Variants in ANKRD36C observed in about 807,000 individuals in gnomAD.
ANKRD36C encodes ankyrin repeat domain-containing protein 36C.
Under a neutral mutation model 276.4 loss-of-function variants are expected in ANKRD36C, and 61 were observed. The observed-to-expected ratio is 0.22, with a 90% CI of 0.18 to 0.27. The LOEUF (loss-of-function observed/expected upper bound fraction) is 0.27, where lower values mean the gene tolerates loss of function less well. Among genes scored for constraint, ANKRD36C ranks in the 10% least tolerant of loss-of-function variants. The pLI is 1.00. For synonymous variants in ANKRD36C, 483 were observed against 680.1 expected, an observed-to-expected ratio of 0.71 and a Z score of 4.51; for missense variants, 1,447 against 2,032.3, an observed-to-expected ratio of 0.71 and a Z score of 5.54.
intron 63 of ANKRD36C, among the ~76,000 whole-genome samples, chr2:95,854,740 G>C (rs1339123385): frequency 6.6e-6 from 1 of 152,118 alleles, no homozygotes; most frequent in African/African-American, 2.4e-5. Context: ...GATTGAAATA[G>C]TTTCAGATTT....
chr2:95,987,605 CTTTTTTTTTTTT>C (rs35536038), intron 1 of ANKRD36C, among the ~76,000 whole-genome samples: 2 of 87,484 alleles, frequency 2.3e-5, no homozygotes, highest in Non-Finnish European at 4.2e-5. Flanking sequence ...CTTACAAAGA[CTTTTTTTTTTTT>C]TTTTTTTTTT....
At chr2:95,865,148 T>G (rs913408839) in intron 60 of ANKRD36C, among the ~76,000 whole-genome samples, 12 of 151,944 alleles carry the variant, frequency 7.9e-5, no homozygotes, top group Non-Finnish European at 1.5e-4. Flanking sequence ...ATAAATCTGA[T>G]AAAATATGAA....
At chr2:95,984,217 T>C (rs1678980719) in intron 3 of ANKRD36C, among the ~76,000 whole-genome samples, 2 of 151,636 alleles carry the variant, frequency 1.3e-5, no homozygotes, top group South Asian at 4.2e-4. Flanking sequence ...ACAGGGCTTG[T>C]AAAGTCATCC....
chr2:95,957,398 T>C (rs544916728), intron 12 of ANKRD36C, among the ~76,000 whole-genome samples: 41 of 3,094 alleles, frequency 0.013, no homozygotes, highest in Middle Eastern at 0.05. Context: ...GAATGTACAA[T>C]TCAAAGCTCC....
At chr2:95,928,850 C>T (rs896035190) in intron 26 of ANKRD36C, among the ~76,000 whole-genome samples, 1 of 151,540 alleles carries the variant, frequency 6.6e-6, no homozygotes, top group Non-Finnish European at 1.5e-5. Flanking sequence ...AATGGTTCTT[C>T]TTCCCAATTT....
chr2:95,854,732 T>C (rs2104243634), intron 63 of ANKRD36C, among the ~76,000 whole-genome samples: 1 of 152,318 alleles, frequency 6.6e-6, no homozygotes, highest in African/African-American at 2.4e-5. Context: ...TAATTTGAGA[T>C]TGAAATAGTT....
At chr2:95,940,075 T>C (rs62154566) in intron 20 of ANKRD36C, among the ~76,000 whole-genome samples, 1 of 152,398 alleles carries the variant, frequency 6.6e-6, no homozygotes, top group South Asian at 2.1e-4. Context: ...CTGGAGTGCA[T>C]TGGCACAATC....
At chr2:95,939,267 A>G (rs955990866) in intron 20 of ANKRD36C, among the ~76,000 whole-genome samples, 87 of 147,650 alleles carry the variant, frequency 5.9e-4, no homozygotes, top group Admixed American at 1.7e-3. Context: ...GTTTCACATG[A>G]CTACAAGTAA....
At chr2:95,867,473 A>C in exon 60 of ANKRD36C, 1 of 1,408,632 alleles carries the variant, frequency 7.1e-7, no homozygotes, top group Non-Finnish European at 9.7e-7. Flanking sequence ...TCAATGAGTA[A>C]TATGACATTC....
intron 17 of ANKRD36C, among the ~76,000 whole-genome samples, chr2:95,947,036 T>C (rs1287369527): frequency 1.3e-5 from 2 of 150,560 alleles, no homozygotes; most frequent in African/African-American, 4.9e-5. Context: ...TATAATAATA[T>C]AAAAAAATAA....
intron 1 of ANKRD36C, among the ~76,000 whole-genome samples, chr2:95,989,776 A>C (rs546096762): frequency 6.6e-6 from 1 of 152,356 alleles, no homozygotes; most frequent in East Asian, 1.9e-4. Context: ...CAGTATATGT[A>C]CTGCTACCCT....
chr2:95,865,868 T>C (rs979251365), intron 60 of ANKRD36C, among the ~76,000 whole-genome samples: 11 of 152,070 alleles, frequency 7.2e-5, no homozygotes, highest in Admixed American at 6.6e-5. Flanking sequence ...CTTACTGACT[T>C]TACAGTGGGT....
At chr2:95,972,855 T>C (rs1488459898) in intron 6 of ANKRD36C, among the ~76,000 whole-genome samples, 2 of 152,036 alleles carry the variant, frequency 1.3e-5, no homozygotes, top group Non-Finnish European at 2.9e-5. Context: ...AGAATATGGA[T>C]GATTAAAAAT....
At chr2:95,934,109 G>A (rs1303413469) in intron 24 of ANKRD36C, among the ~76,000 whole-genome samples, 1 of 152,166 alleles carries the variant, frequency 6.6e-6, no homozygotes, top group Non-Finnish European at 1.5e-5. Context: ...AACAACAGAT[G>A]CTGGAGAGGA....
chr2:95,963,814 CT>C (rs1345264015), intron 6 of ANKRD36C, among the ~76,000 whole-genome samples: 1 of 119,770 alleles, frequency 8.3e-6, no homozygotes, highest in African/African-American at 3.2e-5. Context: ...TCTTTTTCCA[CT>C]TTTGCAAAAA....
chr2:95,910,508 C>G (rs182707855), intron 42 of ANKRD36C, 32 bp downstream of exon 45: 8 of 1,604,540 alleles, frequency 5.0e-6, no homozygotes, highest in East Asian at 2.3e-5. Context: ...CATACATTAA[C>G]TCGTTCACAA....
rs190724486 is a variant in ANKRD36C, at chr2:95,911,754, G to A, written c.2653+490C>T. On this transcript the variant is annotated intron_variant, in intron 42 of 66. Transcript: ENST00000456556. Reference sequence around the variant, plus strand: ...GCAGTAACCCCAAAATTATATAAACGACTTCCTCTTTTCCCACCTTCCTGC... The same window carrying A: ...GCAGTAACCCCAAAATTATATAAACAACTTCCTCTTTTCCCACCTTCCTGC... Among the ~76,000 whole-genome samples the A allele has an allele frequency of 7.9e-5, 12 of 151,314 alleles. No individual in the cohort carries two copies. The East Asian group carries it at 8.0e-4, about 10-fold the overall frequency.
In ANKRD36C at chr2:95,886,184, A is replaced by C; in HGVS notation, c.3090+32T>G. ...TATATATTCATAGACTATACAGTTA[A>C]TAGTTCAAAATATATATGAGTGTTT... is the stretch of plus-strand genomic sequence containing the variant. On this transcript the variant is annotated intron_variant, in intron 51 of 66. Coordinates refer to ENST00000456556, the Ensembl canonical transcript of ANKRD36C. 3 of 1,480,348 alleles carry C rather than the reference A, an allele frequency of 2.0e-6. No homozygotes were observed. In the South Asian group the frequency reaches 3.8e-5, roughly 19 times the overall value. The allele number at this position is 1,480,348 out of a possible 1,614,324, so 91.7% of individuals were successfully genotyped here. A position where few individuals can be genotyped will look rare whatever the true frequency, so the allele number is the denominator to read the frequency against.
intron 3 of ANKRD36C, among the ~76,000 whole-genome samples, chr2:95,985,932 T>C (rs1390607028): frequency 2.0e-5 from 3 of 151,936 alleles, no homozygotes; most frequent in Non-Finnish European, 4.4e-5. Context: ...CTTATCTGAG[T>C]GGCTGTTTCT....
Sources: gnomAD v4.1 joint callset for allele counts (sites outside exome capture counted in the v4.1 genomes callset) on GRCh38, gnomAD v4.1.1 for gene constraint, MANE v1.5 for transcripts, NCBI Gene and HGNC (gene_info 2026-07-23, HGNC 2026-07-21) for gene names.